Variants in MYT1 observed in about 807,000 individuals in gnomAD.
The protein encoded by MYT1 is myelin transcription factor 1.
MYT1 carries 23 observed loss-of-function variants against 123.0 expected under a neutral mutation model. The ratio of observed to expected loss-of-function variants is 0.19; its 90% CI spans 0.13 to 0.26. The LOEUF (loss-of-function observed/expected upper bound fraction) is 0.26, where lower values mean the gene tolerates loss of function less well. Among genes scored for constraint, MYT1 ranks in the 10% least tolerant of loss-of-function variants. The pLI, the probability that MYT1 is intolerant of heterozygous loss-of-function variation, is 1.00. For synonymous variants in MYT1, 518 were observed against 575.3 expected, an observed-to-expected ratio of 0.90 and a Z score of 1.43; for missense variants, 1,125 against 1,472.5, an observed-to-expected ratio of 0.76 and a Z score of 3.86.
intron 4 of MYT1, among the ~76,000 whole-genome samples, chr20:64,201,899 G>A (rs1245356203): frequency 7.2e-6 from 1 of 139,206 alleles, no homozygotes; most frequent in African/African-American, 2.6e-5. Flanking sequence ...GGGAACCCCC[G>A]TGTGTCGGGA....
chr20:64,236,614 A>T lies in MYT1; in HGVS notation c.2957A>T (p.Glu986Val). The T allele has an allele frequency of 6.2e-7, 1 of 1,613,750 alleles. No homozygotes were observed. The highest frequency in any genetic ancestry group is 1.7e-4 in the Middle Eastern group (1 of 6,058). Residue 986 changes from glutamate to valine, a missense_variant, in exon 20 of 23, where the codon GAG becomes GTG. Transcript: ENST00000328439. Reference protein sequence around the residue: ...AGKKGKLSGDEVLSPKFKTSD... With the variant: ...AGKKGKLSGDVVLSPKFKTSD... ...AAGAAGGGAAAACTGTCAGGGGATGAGGTCCTCAGTCCAAAGTTCAAGACT... is the reference window on the plus strand; with the variant it reads ...AAGAAGGGAAAACTGTCAGGGGATGTGGTCCTCAGTCCAAAGTTCAAGACT...
At chr20:64,169,822 T>C (rs1982195588) in intron 1 of MYT1, among the ~76,000 whole-genome samples, 1 of 152,216 alleles carries the variant, frequency 6.6e-6, no homozygotes, top group African/African-American at 2.4e-5. Context: ...TTTTAATCGT[T>C]GAGACCGTGC....
rs386394242 is a variant in MYT1, at chr20:64,179,948, C to CACAA, written c.-98-10112_-98-10111insAACA. Among the ~76,000 whole-genome samples the CACAA allele has an allele frequency of 2.2e-3, 329 of 148,902 alleles. 5 individuals are homozygous for CACAA. The highest frequency in any genetic ancestry group is 8.0e-3 in the African/African-American group (322 of 40,288). On this transcript the variant is annotated intron_variant, in intron 1 of 22. Coordinates refer to ENST00000328439, the MANE Select transcript of MYT1 (RefSeq NM_004535.3). ...TACACACATGCTACACACACAGTTA[C>CACAA]ACATTTGCACACAGTTACACACTCA...
chr20:64,177,082 T>C (rs183749282), intron 1 of MYT1, among the ~76,000 whole-genome samples: 8 of 152,330 alleles, frequency 5.3e-5, no homozygotes, highest in Non-Finnish European at 1.0e-4. Context: ...TATTTGCATA[T>C]AAATGGAAAA....
chr20:64,180,769 C>G (rs1416423913), intron 1 of MYT1, among the ~76,000 whole-genome samples: 1 of 150,808 alleles, frequency 6.6e-6, no homozygotes, highest in Non-Finnish European at 1.5e-5. Context: ...TGAGCGTTAT[C>G]TTTCTTTATC....
At chr20:64,200,985 G>A (rs769154638) in intron 4 of MYT1, among the ~76,000 whole-genome samples, 1 of 152,192 alleles carries the variant, frequency 6.6e-6, no homozygotes, top group Non-Finnish European at 1.5e-5. Flanking sequence ...CTGAAGAAGC[G>A]GTGATTGCGA....
chr20:64,232,280 G>C lies in MYT1; in HGVS notation c.2792G>C (p.Gly931Ala). Residue 931 changes from glycine (G) to alanine (A), a missense_variant, in exon 19 of 23, where the codon GGC becomes GCC. Gly to Ala is a moderately conservative substitution (Grantham distance 60). This residue lies in a region of MYT1 where 243 missense variants were observed against 323.1 expected (regional missense o/e 0.75). Transcript: ENST00000328439. This position sits in a 1 kb window ranked among gnomAD's most constrained non-coding sequence, Gnocchi z 6.9. ...AGGCAGAAGGAAGGGTCCCTCAATG[G>C]CTCGTCATTCTCCTGGAAGTCCCTG... ...ARRQKEGSLN[G>A]SSFSWKSLKN... 2 of 1,613,076 alleles carry C rather than the reference G, an allele frequency of 1.2e-6. No individual in the cohort carries two copies. Among genetic ancestry groups the C allele is most frequent in the Non-Finnish European group, 1.7e-6 (2 of 1,180,018 alleles).
intron 1 of MYT1, among the ~76,000 whole-genome samples, chr20:64,165,936 C>T (rs571874437): frequency 1.3e-5 from 2 of 152,152 alleles, no homozygotes; most frequent in South Asian, 2.1e-4. Context: ...GGGGCCCACT[C>T]GGTGCTGAGG....
chr20:64,201,921 T>A (rs1016708184), intron 4 of MYT1, among the ~76,000 whole-genome samples: 1 of 141,180 alleles, frequency 7.1e-6, no homozygotes, highest in Non-Finnish European at 1.6e-5. Context: ...CCCCCGCGTG[T>A]CGGGAACCCC....
intron 1 of MYT1, among the ~76,000 whole-genome samples, chr20:64,187,278 G>A (rs1982838527): frequency 6.9e-6 from 1 of 143,934 alleles, no homozygotes; most frequent in Non-Finnish European, 1.5e-5. Flanking sequence ...CGGCATCCAT[G>A]TTTCCGTGGA....
chr20:64,212,286 C>T lies in MYT1; in HGVS notation c.1517+148C>T. 1 of 825,532 alleles carries T rather than the reference C, an allele frequency of 1.2e-6. No individual in the cohort carries two copies. 51.1% of individuals were successfully genotyped at this position (825,532 alleles called of 1,614,324 possible). A position where few individuals can be genotyped will look rare whatever the true frequency, so the allele number is the denominator to read the frequency against. ...GGGGGGCTCCACGTGGGGTAGGGCA[C>T]CTGGGTTGGGCCTGTGTGTCCCTGC... On this transcript the variant is annotated intron_variant, in intron 9 of 22. Transcript: ENST00000328439. This position sits in a 1 kb window ranked among gnomAD's most constrained non-coding sequence, Gnocchi z 6.8.
rs1983115264 is a variant in MYT1, at chr20:64,196,236, G to A, written c.1-2626G>A. On this transcript the variant is annotated intron_variant, in intron 2 of 22. Coordinates refer to ENST00000328439, the MANE Select transcript of MYT1 (RefSeq NM_004535.3). This position sits in a 1 kb window ranked among gnomAD's most constrained non-coding sequence, Gnocchi z 4.3. ...TTGCATCATTGAGCTGCCCTTTAGG[G>A]CCCAGCTGTCATTGTGTGGTGGGGG... 6.6e-6 allele frequency among the ~76,000 whole-genome samples: 1 copy of A among 152,132 alleles called. No homozygotes were observed. The highest frequency in any genetic ancestry group is 6.5e-5 in the Admixed American group (1 of 15,286).
rs1983139377 is a variant in MYT1, at chr20:64,196,875, A to G, written c.1-1987A>G. 6.6e-6 allele frequency among the ~76,000 whole-genome samples: 1 copy of G among 152,218 alleles called. No individual in the cohort carries two copies. The highest frequency in any genetic ancestry group is 2.1e-4 in the South Asian group (1 of 4,838). On this transcript the variant is annotated intron_variant, in intron 2 of 22. Coordinates refer to ENST00000328439, the MANE Select transcript of MYT1 (RefSeq NM_004535.3). The surrounding 1 kb of genome is among the most constrained non-coding windows in gnomAD (Gnocchi z 4.3). ...CAGAATGCTTGCCAATATCCTTGGG[A>G]AAACTGGCAATAAATAAATAAATAA...
At chr20:64,239,316 TCCA>T (rs1176711311) in intron 21 of MYT1, among the ~76,000 whole-genome samples, 1 of 152,156 alleles carries the variant, frequency 6.6e-6, no homozygotes, top group Non-Finnish European at 1.5e-5. Flanking sequence ...TGCAGTGATT[TCCA>T]TCTTACAGAT....
chr20:64,205,073 G>T lies in MYT1; in HGVS notation c.125G>T (p.Arg42Leu). 2 of 1,614,032 alleles carry T rather than the reference G, an allele frequency of 1.2e-6. No individual in the cohort carries two copies. Among genetic ancestry groups the T allele is most frequent in the South Asian group, 2.2e-5 (2 of 91,078 alleles). Reference sequence around the variant, plus strand: ...GGATGCACAGGCTCAGGGCACGTCCGGGGCAAGTACTCCAGGCACCGAAGG... The same window carrying T: ...GGATGCACAGGCTCAGGGCACGTCCTGGGCAAGTACTCCAGGCACCGAAGG... The part of the protein sequence containing the change: ...TPGCTGSGHV[R>L]GKYSRHRSLQ... The change falls in exon 5 of 23, where the codon CGG becomes CTG. Residue 42 changes from arginine (R) to leucine (L), a missense_variant. By Grantham distance (102) the Arg-to-Leu change is moderately radical. Coordinates refer to ENST00000328439, the MANE Select transcript of MYT1 (RefSeq NM_004535.3).
rs758250186 is a variant in MYT1, at chr20:64,217,144, G to A, written c.1709G>A (p.Arg570Lys). 1.5e-5 allele frequency: 25 copies of A among 1,614,120 alleles called. No individual in the cohort carries two copies. The East Asian group carries it at 5.6e-4, about 36-fold the overall frequency. Residue 570 changes from arginine to lysine, a missense_variant, in exon 11 of 23, where the codon AGG (arginine) becomes AAG (lysine). This residue lies in a region of MYT1 where 429 missense variants were observed against 604.1 expected (regional missense o/e 0.71). Transcript: ENST00000328439. ...YRPNVAPATP[R>K]ANLAKELEKF... ...CCCAACGTGGCCCCCGCCACACCCA[G>A]GGCCAACTTGGCCAAGGAGCTGGAG...
In MYT1 at chr20:64,213,592, CA is replaced by C; in HGVS notation, c.1577del (p.Gln526ArgfsTer24). 1 of 1,614,176 alleles carries C rather than the reference CA, an allele frequency of 6.2e-7. No homozygotes were observed. The highest frequency in any genetic ancestry group is 8.5e-7 in the Non-Finnish European group (1 of 1,180,030). On this transcript the variant is annotated frameshift_variant, in exon 10 of 23. Transcript: ENST00000328439. LOFTEE classifies it high-confidence loss of function. This position sits in a 1 kb window ranked among gnomAD's most constrained non-coding sequence, Gnocchi z 5.6. ...EKLAKSHEKQ[Q>X]PQTGDPSKSS... The stretch of plus-strand genomic sequence containing the variant: ...ATTAGCCAAATCCCATGAGAAGCAG[CA>C]GCCGCAGACAGGAGATCCTTCCAAG...
chr20:64,170,898 G>T (rs867841778), intron 1 of MYT1, among the ~76,000 whole-genome samples: 456 of 97,778 alleles, frequency 4.7e-3, no homozygotes, highest in African/African-American at 8.4e-3. Context: ...GAGAGAGAGA[G>T]AGAGAGAGAG....
chr20:64,213,717 C>T lies in MYT1; in HGVS notation c.1631+70C>T, dbSNP rs970683196. On this transcript the variant is annotated intron_variant, in intron 10 of 22. Coordinates refer to ENST00000328439, the MANE Select transcript of MYT1 (RefSeq NM_004535.3). The surrounding 1 kb of genome is among the most constrained non-coding windows in gnomAD (Gnocchi z 5.6). ...GCCTGCAGAGGGCTTCTCAGTCTCC[C>T]GCAGGCTGTATGTGCATGTGTGTGA... is the stretch of plus-strand genomic sequence containing the variant. 23 of 1,292,910 alleles carry T rather than the reference C, an allele frequency of 1.8e-5. No homozygotes were observed. The highest frequency in any genetic ancestry group is 1.6e-4 in the South Asian group (13 of 83,354). 80.1% of individuals were successfully genotyped at this position (1,292,910 alleles called of 1,614,324 possible).
Sources: allele counts gnomAD v4.1 joint callset (sites outside exome capture counted in the v4.1 genomes callset), GRCh38; gene constraint gnomAD v4.1.1; regional missense constraint gnomAD v4.1.1; non-coding constraint Gnocchi (gnomAD v3.1); transcripts MANE v1.5; gene names NCBI Gene and HGNC (gene_info 2026-07-23, HGNC 2026-07-21).